Variants in MLLT10 observed in about 807,000 individuals in gnomAD.
MLLT10 encodes protein AF-10.
A neutral mutation model predicts 129.1 loss-of-function variants in MLLT10; 30 were observed. That is an observed-to-expected ratio of 0.23 (90% CI 0.17 to 0.32). The LOEUF is 0.32. MLLT10 is among the 10% of genes least tolerant of loss of function. The probability of loss-of-function intolerance (pLI) is 1.00; values close to 1 mark genes in which losing one functional copy is unlikely to be tolerated. For missense variants in MLLT10, 1,119 were observed against 1,268.3 expected (o/e 0.88, Z 1.79); for synonymous variants, 490 against 446.4 (o/e 1.10, Z -1.23).
chr10:21,663,535 C>T (rs2050432706), intron 9 of MLLT10, among the ~76,000 whole-genome samples: 1 of 151,696 alleles, frequency 6.6e-6, no homozygotes, highest in South Asian at 2.1e-4. Context: ...TGCCACCATG[C>T]CCAGCTAATT....
chr10:21,717,734 CTCT>C (rs1366717332), intron 14 of MLLT10, among the ~76,000 whole-genome samples: 3,440 of 64,724 alleles, frequency 0.053, 232 homozygotes, highest in Non-Finnish European at 0.072. Context: ...CCTCCTCCTC[CTCT>C]TCCTCCTCCT....
At position 21,564,125 on chromosome 10, in the gene MLLT10, T is replaced by A. The variant is rs969554890; in HGVS notation, c.241-22169T>A. On this transcript the variant is annotated intron_variant, in intron 3 of 22. Transcript: ENST00000307729. ...CCGTGCCCGGCCTATTATTATTATTTTTTTTTGAGACAGGGTCTTGCTCTG... is the reference window on the plus strand; with the variant it reads ...CCGTGCCCGGCCTATTATTATTATTATTTTTTGAGACAGGGTCTTGCTCTG... Among the ~76,000 whole-genome samples, 21 of 152,254 alleles carry A rather than the reference T, an allele frequency of 1.4e-4. 1 individual carries two copies. Among genetic ancestry groups the A allele is most frequent in the South Asian group, 4.1e-4 (2 of 4,820 alleles).
At chr10:21,713,606 G>A (rs1427627223) in intron 13 of MLLT10, among the ~76,000 whole-genome samples, 166 bp from the exon 14 acceptor site, 1 of 152,154 alleles carries the variant, frequency 6.6e-6, no homozygotes, top group Non-Finnish European at 1.5e-5. Context: ...TTCATGAGAA[G>A]TCAGTGTTTA....
chr10:21,648,550 T>C (rs1214236650), intron 8 of MLLT10, among the ~76,000 whole-genome samples: 1 of 152,200 alleles, frequency 6.6e-6, no homozygotes, highest in Non-Finnish European at 1.5e-5. Flanking sequence ...GGAAGTAGAA[T>C]ATATAGAGTA....
intron 3 of MLLT10, among the ~76,000 whole-genome samples, chr10:21,545,236 C>T (rs547327486): frequency 1.3e-5 from 2 of 150,682 alleles, no homozygotes; most frequent in Admixed American, 1.3e-4. Flanking sequence ...AACAGGGAAC[C>T]ACATGCCTTT....
At chr10:21,604,952 TATG>T (rs2043911604) in intron 5 of MLLT10, among the ~76,000 whole-genome samples, 1 of 151,898 alleles carries the variant, frequency 6.6e-6, no homozygotes, top group Non-Finnish European at 1.5e-5. Context: ...CTTCTTGAGT[TATG>T]ATGAGCTTAC....
intron 8 of MLLT10, among the ~76,000 whole-genome samples, chr10:21,628,597 A>C (rs910824935): frequency 1.3e-5 from 2 of 151,592 alleles, no homozygotes; most frequent in Non-Finnish European, 1.5e-5. Context: ...TTTTGCCACG[A>C]CGCCCAGCTA....
intron 3 of MLLT10, among the ~76,000 whole-genome samples, chr10:21,581,170 C>G (rs1410123706): frequency 6.6e-6 from 1 of 151,634 alleles, no homozygotes; most frequent in Non-Finnish European, 1.5e-5. Flanking sequence ...CTCAGCCTCC[C>G]TAGTAGCTGG....
intron 8 of MLLT10, among the ~76,000 whole-genome samples, chr10:21,627,951 C>T (rs1237848416): frequency 1.3e-5 from 2 of 152,236 alleles, no homozygotes; most frequent in Non-Finnish European, 2.9e-5. Context: ...TTACCACAGG[C>T]AAGGTTGTGC....
At chr10:21,717,655 C>T (rs1589799186) in intron 14 of MLLT10, among the ~76,000 whole-genome samples, 2 of 134,456 alleles carry the variant, frequency 1.5e-5, no homozygotes, top group African/African-American at 5.7e-5. Context: ...TCCTCCTCTT[C>T]CTCCTCCTCT....
At chr10:21,624,434 G>T (rs2046212282) in intron 8 of MLLT10, among the ~76,000 whole-genome samples, 1 of 137,042 alleles carries the variant, frequency 7.3e-6, no homozygotes. Context: ...AAATAAAAAG[G>T]CCTGAGTATA....
At chr10:21,630,133 C>T (rs1302918695) in intron 8 of MLLT10, among the ~76,000 whole-genome samples, 1 of 152,100 alleles carries the variant, frequency 6.6e-6, no homozygotes, top group African/African-American at 2.4e-5. Flanking sequence ...GGGTTGAACC[C>T]TATCAGAGAT....
chr10:21,573,081 A>G (rs1295203004), intron 3 of MLLT10, among the ~76,000 whole-genome samples: 1 of 152,110 alleles, frequency 6.6e-6, no homozygotes. Flanking sequence ...TAATTCTACT[A>G]GTTTTTTAGG....
intron 8 of MLLT10, among the ~76,000 whole-genome samples, chr10:21,644,457 G>A (rs2048297946): frequency 1.3e-5 from 2 of 152,068 alleles, no homozygotes; most frequent in Non-Finnish European, 2.9e-5. Flanking sequence ...AGAAGCTTGG[G>A]AGGAGGGGCG....
chr10:21,669,504 C>A (rs2051169709), intron 9 of MLLT10, among the ~76,000 whole-genome samples: 1 of 151,916 alleles, frequency 6.6e-6, no homozygotes, highest in Admixed American at 6.6e-5. Flanking sequence ...TAGATAGATA[C>A]AATAAAAAAG....
chr10:21,541,574 T>C (rs2035166672), intron 3 of MLLT10, among the ~76,000 whole-genome samples: 1 of 152,096 alleles, frequency 6.6e-6, no homozygotes, highest in Non-Finnish European at 1.5e-5. Flanking sequence ...TTAGTAGAGA[T>C]GGGGTTTCAC....
intron 8 of MLLT10, among the ~76,000 whole-genome samples, chr10:21,622,891 C>A (rs1758924529): frequency 6.6e-6 from 1 of 152,176 alleles, no homozygotes; most frequent in Non-Finnish European, 1.5e-5. Flanking sequence ...GTACTTTTCA[C>A]CAACTGGTTA....
intron 8 of MLLT10, chr10:21,624,941 C>T: frequency 2.3e-6 from 3 of 1,315,052 alleles, no homozygotes; most frequent in Non-Finnish European, 3.2e-6. Context: ...GTGGTGCTCC[C>T]CTCCCCCTTG....
At chr10:21,726,693 T>C (rs2057540516) in intron 15 of MLLT10, among the ~76,000 whole-genome samples, 1 of 146,430 alleles carries the variant, frequency 6.8e-6, no homozygotes, top group African/African-American at 2.5e-5. Context: ...TTTTTTTTTT[T>C]TTTTTTTTTT....
Sources: gnomAD v4.1 joint callset for allele counts (sites outside exome capture counted in the v4.1 genomes callset) on GRCh38, gnomAD v4.1.1 for gene constraint, MANE v1.5 for transcripts, NCBI Gene and HGNC (gene_info 2026-07-23, HGNC 2026-07-21) for gene names.